Variants in SLC39A12 observed in about 807,000 individuals in gnomAD.
SLC39A12 encodes zinc transporter ZIP12.
Under a neutral mutation model 71.1 loss-of-function variants are expected in SLC39A12, and 63 were observed. The ratio of observed to expected loss-of-function variants is 0.89; its 90% confidence interval spans 0.72 to 1.09. The LOEUF (loss-of-function observed/expected upper bound fraction) is 1.09, where lower values mean the gene tolerates loss of function less well. SLC39A12 is among the 50% of genes least tolerant of loss of function. The pLI, the probability that SLC39A12 is intolerant of heterozygous loss-of-function variation, is 0.00. For synonymous variants in SLC39A12, 351 were observed against 301.3 expected, an observed-to-expected ratio of 1.16 and a Z score of -1.71; for missense variants, 892 against 812.6, an observed-to-expected ratio of 1.10 and a Z score of -1.19.
chr10:18,010,684 A>T (rs1004051856), intron 12 of SLC39A12: 1 of 152,132 alleles, frequency 6.6e-6, no homozygotes, highest in Non-Finnish European at 1.5e-5. Flanking sequence ...AAATGCTGGT[A>T]TTTTTCTACT....
At chr10:18,000,586 G>C (rs1381000802) in intron 10 of SLC39A12, 81 bp from the exon 11 acceptor site, 1 of 1,307,336 alleles carries the variant, frequency 7.6e-7, no homozygotes, top group African/African-American at 1.5e-5. Flanking sequence ...GTGTAGGTGG[G>C]AAGGTTGGTT....
intron 3 of SLC39A12, among the ~76,000 whole-genome samples, chr10:17,964,780 C>T (rs1834780417): frequency 6.6e-6 from 1 of 152,130 alleles, no homozygotes; most frequent in African/African-American, 2.4e-5. Flanking sequence ...TGTGTGAAGT[C>T]AGGGTAGGGA....
rs1410032074 is a variant in SLC39A12, at chr10:17,961,814, A to T, written c.495A>T (p.Glu165Asp). 6.2e-7 allele frequency: 1 copy of T among 1,614,006 alleles called. No individual in the cohort carries two copies. Among genetic ancestry groups the T allele is most frequent in the Non-Finnish European group, 8.5e-7 (1 of 1,179,996 alleles). Residue 165 changes from glutamate to aspartate, a missense_variant, in exon 3 of 13, where the codon GAA becomes GAT. By Grantham distance (45) the Glu-to-Asp change is conservative. Coordinates refer to ENST00000377369, the MANE Select transcript of SLC39A12 (RefSeq NM_001145195.2). ...CTTTCCTTTCACAGAATGAGACAGA[A>T]GATATCTTGGCTTTCACCAGGCAGT... ...DSSFLSQNET[E>D]DILAFTRQYF...
intron 5 of SLC39A12, among the ~76,000 whole-genome samples, chr10:17,979,693 C>T (rs1206502895): frequency 6.6e-6 from 1 of 152,142 alleles, no homozygotes; most frequent in East Asian, 1.9e-4. Context: ...GAGTTCTTGC[C>T]CAATCCCTTA....
At chr10:17,995,854 G>A in intron 10 of SLC39A12, 132 bp downstream of exon 10, 1 of 683,932 alleles carries the variant, frequency 1.5e-6, no homozygotes, top group Non-Finnish European at 2.3e-6. Flanking sequence ...CTTTGCAATA[G>A]GATTTGTAAT....
intron 4 of SLC39A12, among the ~76,000 whole-genome samples, chr10:17,972,392 A>AT (rs1834998223): frequency 6.6e-6 from 1 of 151,976 alleles, no homozygotes; most frequent in East Asian, 1.9e-4. Flanking sequence ...TACTTTGTTG[A>AT]TTTTCTGTCT....
rs181894820 is a variant in SLC39A12 at position 18,006,033 on chromosome 10, C to G, written c.1947+2675C>G. ...AGTCGGTCATTTAAAGGGAAGAAAACAAGGTTGCAAAGACTCTGAAACAGT... is the reference window on the plus strand; with the variant it reads ...AGTCGGTCATTTAAAGGGAAGAAAAGAAGGTTGCAAAGACTCTGAAACAGT... On this transcript the variant is annotated intron_variant, in intron 12 of 12. Transcript: ENST00000377369. Among the ~76,000 whole-genome samples the G allele has an allele frequency of 5.7e-4, 87 of 152,126 alleles. 1 individual carries two copies. The highest frequency in any genetic ancestry group is 2.0e-3 in the African/African-American group (81 of 41,492).
intron 12 of SLC39A12, among the ~76,000 whole-genome samples, chr10:18,022,180 T>A (rs901556162): frequency 3.3e-5 from 5 of 152,210 alleles, no homozygotes; most frequent in African/African-American, 9.6e-5. Flanking sequence ...TGTAGTAAGG[T>A]TGAAGAAATT....
At chr10:18,008,891 A>C (rs1836116796) in intron 12 of SLC39A12, among the ~76,000 whole-genome samples, 1 of 152,166 alleles carries the variant, frequency 6.6e-6, no homozygotes, top group South Asian at 2.1e-4. Context: ...CCGCCTAAGA[A>C]AATTCTCAGA....
At chr10:17,988,557 A>G (rs1462771105) in intron 7 of SLC39A12, among the ~76,000 whole-genome samples, 1 of 152,152 alleles carries the variant, frequency 6.6e-6, no homozygotes, top group East Asian at 1.9e-4. Flanking sequence ...CCAGCCTCAG[A>G]TATTTCTTTA....
At chr10:18,027,477 G>T (rs58762503) in intron 12 of SLC39A12, among the ~76,000 whole-genome samples, 4,826 of 152,318 alleles carry the variant, frequency 0.032, 255 homozygotes, top group African/African-American at 0.11. Flanking sequence ...AGTGTTCACT[G>T]TGAGAACCCG....
At chr10:17,964,350 C>T (rs538615109) in intron 3 of SLC39A12, among the ~76,000 whole-genome samples, 56 of 152,314 alleles carry the variant, frequency 3.7e-4, no homozygotes, top group African/African-American at 1.3e-3. Flanking sequence ...ATGTTCCTGC[C>T]AAGCTCTTCA....
intron 2 of SLC39A12, among the ~76,000 whole-genome samples, chr10:17,959,207 G>A (rs11593092): frequency 0.088 from 13,412 of 151,942 alleles, 614 homozygotes; most frequent in Non-Finnish European, 0.094. Flanking sequence ...CTTGCCATCA[G>A]CTACCAAGGT....
chr10:18,003,175 C>G lies in SLC39A12; in HGVS notation c.1764C>G (p.Asp588Glu). The G allele has an allele frequency of 6.2e-7, 1 of 1,611,920 alleles. No individual in the cohort carries two copies. The highest frequency in any genetic ancestry group is 8.5e-7 in the Non-Finnish European group (1 of 1,179,374). The change falls in exon 12 of 13, where the codon GAC becomes GAG. Residue 588 changes from aspartate (D) to glutamate (E), a missense_variant. By Grantham distance (45) the Asp-to-Glu change is conservative. Transcript: ENST00000377369. ...TCCTTTCCTCTTAAACTTCAGGAGA[C>G]TTTGCCGTGCTCTTAAGCTCTGGAC... ...LCHEIPHEMG[D>E]FAVLLSSGLS...
chr10:18,027,262 A>T, intron 12 of SLC39A12, among the ~76,000 whole-genome samples: 1 of 152,202 alleles, frequency 6.6e-6, no homozygotes, highest in Non-Finnish European at 1.5e-5. Flanking sequence ...CCTTCCCTCA[A>T]GTAAGACAGC....
At chr10:17,955,615 G>A (rs1223329726) in intron 2 of SLC39A12, among the ~76,000 whole-genome samples, 1 of 152,134 alleles carries the variant, frequency 6.6e-6, no homozygotes, top group African/African-American at 2.4e-5. Context: ...GAGGTTAAGG[G>A]GGTTTCTTCA....
intron 7 of SLC39A12, among the ~76,000 whole-genome samples, chr10:17,988,641 C>A (rs571599304): frequency 6.6e-6 from 1 of 152,310 alleles, no homozygotes; most frequent in Non-Finnish European, 1.5e-5. Flanking sequence ...TCCTCAGCTA[C>A]CTTGCAGGTT....
intron 12 of SLC39A12, among the ~76,000 whole-genome samples, chr10:18,004,784 A>G (rs1274261699): frequency 6.6e-6 from 1 of 152,170 alleles, no homozygotes; most frequent in Non-Finnish European, 1.5e-5. Flanking sequence ...ATAAAGATAC[A>G]TGCAGCACTA....
intron 12 of SLC39A12, among the ~76,000 whole-genome samples, chr10:18,013,570 C>T (rs114711150): frequency 0.017 from 2,641 of 152,104 alleles, 36 homozygotes; most frequent in South Asian, 0.043. Flanking sequence ...TGGCATGTCA[C>T]TATGTTGCCC....
Sources: allele counts gnomAD v4.1 joint callset (sites outside exome capture counted in the v4.1 genomes callset), GRCh38; gene constraint gnomAD v4.1.1; transcripts MANE v1.5; gene names NCBI Gene and HGNC (gene_info 2026-07-23, HGNC 2026-07-21).